Variants in DDAH1 observed in about 807,000 individuals in gnomAD.
DDAH1 encodes N(G),N(G)-dimethylarginine dimethylaminohydrolase 1.
Under a neutral mutation model 28.8 loss-of-function variants are expected in DDAH1, and 19 were observed. The observed-to-expected ratio is 0.66, with a 90% CI of 0.46 to 0.97. The LOEUF (loss-of-function observed/expected upper bound fraction) is 0.97, where lower values mean the gene tolerates loss of function less well. Among genes scored for constraint, DDAH1 ranks in the 50% least tolerant of loss-of-function variants. The pLI, the probability that DDAH1 is intolerant of heterozygous loss-of-function variation, is 0.00. For missense variants in DDAH1, 326 were observed against 375.9 expected, an observed-to-expected ratio of 0.87 and a Z score of 1.10; for synonymous variants, 153 against 154.4, an observed-to-expected ratio of 0.99 and a Z score of 0.07.
At chr1:85,537,467 C>T (rs1245530059) in intron 1 of DDAH1, among the ~76,000 whole-genome samples, 1 of 128,864 alleles carries the variant, frequency 7.8e-6, no homozygotes, top group Non-Finnish European at 1.7e-5. Flanking sequence ...CATGTGGAAT[C>T]TGAAAAAAAA....
intron 1 of DDAH1, among the ~76,000 whole-genome samples, chr1:85,435,901 G>A (rs963589529): frequency 2.6e-5 from 4 of 151,710 alleles, no homozygotes; most frequent in African/African-American, 7.2e-5. Flanking sequence ...AGCAATTCTC[G>A]TGCCTCAGCC....
intron 1 of DDAH1, among the ~76,000 whole-genome samples, chr1:85,546,990 G>T (rs1658645808): frequency 6.6e-6 from 1 of 152,052 alleles, no homozygotes; most frequent in Non-Finnish European, 1.5e-5. Flanking sequence ...CCTGTACTCT[G>T]GGGATTGAGT....
chr1:85,562,866 A>G (rs1659178987), intron 1 of DDAH1, among the ~76,000 whole-genome samples: 1 of 152,214 alleles, frequency 6.6e-6, no homozygotes, highest in South Asian at 2.1e-4. Flanking sequence ...TCAGGAATTA[A>G]TACAGATACT....
intron 1 of DDAH1, among the ~76,000 whole-genome samples, chr1:85,422,085 G>T (rs1653168315): frequency 6.6e-6 from 1 of 151,960 alleles, no homozygotes; most frequent in South Asian, 2.1e-4. Flanking sequence ...GATATTGTCA[G>T]TTTTTTAAAA....
intron 1 of DDAH1, among the ~76,000 whole-genome samples, chr1:85,449,271 G>C (rs185432901): frequency 6.6e-6 from 1 of 152,316 alleles, no homozygotes; most frequent in African/African-American, 2.4e-5. Context: ...AAGGTTGGCA[G>C]AACATGGCAC....
At chr1:85,423,509 C>T (rs1217540237) in intron 1 of DDAH1, among the ~76,000 whole-genome samples, 2 of 152,076 alleles carry the variant, frequency 1.3e-5, no homozygotes, top group East Asian at 1.9e-4. Flanking sequence ...TCCTTTTCCC[C>T]CCTTGCTTCC....
intron 1 of DDAH1, among the ~76,000 whole-genome samples, chr1:85,411,983 A>G (rs1469447714): frequency 6.6e-6 from 1 of 152,194 alleles, no homozygotes; most frequent in Non-Finnish European, 1.5e-5. Flanking sequence ...TATCATTAGA[A>G]CTTCCGTCTA....
At chr1:85,387,159 C>G (rs75613891) in intron 1 of DDAH1, among the ~76,000 whole-genome samples, 6,467 of 152,230 alleles carry the variant, frequency 0.042, 481 homozygotes, top group African/African-American at 0.15. Context: ...TCCCTTTTAT[C>G]CATGTTAATC....
At chr1:85,555,054 A>G (rs2100798674) in intron 1 of DDAH1, among the ~76,000 whole-genome samples, 1 of 152,338 alleles carries the variant, frequency 6.6e-6, no homozygotes, top group East Asian at 1.9e-4. Flanking sequence ...AGCATTTTTC[A>G]GTAGTTTATC....
At chr1:85,459,620 T>A (rs1276379738) in intron 1 of DDAH1, among the ~76,000 whole-genome samples, 1 of 152,204 alleles carries the variant, frequency 6.6e-6, no homozygotes, top group African/African-American at 2.4e-5. Flanking sequence ...TCACTTTCCA[T>A]CTTGGTGTCA....
rs186957473 is a variant in DDAH1, at chr1:85,496,795, T to C, written c.-122-514A>G. Among the ~76,000 whole-genome samples, 762 of 152,338 alleles carry C rather than the reference T, an allele frequency of 5.0e-3. 6 individuals are homozygous for C. The highest frequency in any genetic ancestry group is 9.3e-3 in the South Asian group (45 of 4,826). Reference sequence around the variant, plus strand: ...CTACACAAATAGCAATTTCATATAATTTAACCTAATATCATAAACCTTCAC... The same window carrying C: ...CTACACAAATAGCAATTTCATATAACTTAACCTAATATCATAAACCTTCAC... On this transcript the variant is annotated intron_variant, in intron 1 of 6. Transcript: ENST00000426972.
chr1:85,345,204 G>A (rs986694301), intron 4 of DDAH1, among the ~76,000 whole-genome samples: 1 of 152,042 alleles, frequency 6.6e-6, no homozygotes, highest in Non-Finnish European at 1.5e-5. Flanking sequence ...TTATTCTTTG[G>A]GGGGGTTGGC....
At chr1:85,534,970 A>G (rs1658223968) in intron 1 of DDAH1, among the ~76,000 whole-genome samples, 1 of 152,350 alleles carries the variant, frequency 6.6e-6, no homozygotes, top group East Asian at 1.9e-4. Flanking sequence ...GTACCAAAGA[A>G]AAAGAAGAAA....
At chr1:85,473,428 A>T (rs1046048455) in intron 2 of DDAH1, among the ~76,000 whole-genome samples, 5 of 152,194 alleles carry the variant, frequency 3.3e-5, no homozygotes, top group African/African-American at 1.2e-4. Context: ...ATCTAAATGT[A>T]GAAGAAAAGA....
chr1:85,346,799 A>C (rs1212555099), intron 4 of DDAH1, among the ~76,000 whole-genome samples: 1 of 152,254 alleles, frequency 6.6e-6, no homozygotes, highest in Non-Finnish European at 1.5e-5. Context: ...TCTGCACAGC[A>C]AAAGAAACTA....
chr1:85,574,798 C>A (rs1323454058), intron 1 of DDAH1, among the ~76,000 whole-genome samples: 3 of 152,150 alleles, frequency 2.0e-5, no homozygotes, highest in Non-Finnish European at 4.4e-5. Context: ...GTAATCCCAG[C>A]ACTTTGGGAG....
intron 2 of DDAH1, among the ~76,000 whole-genome samples, chr1:85,474,792 T>C (rs1655738155): frequency 6.6e-6 from 1 of 152,176 alleles, no homozygotes; most frequent in African/African-American, 2.4e-5. Flanking sequence ...TGGGTTTCAG[T>C]TCCTATAAAA....
chr1:85,375,422 C>G (rs1650608828), intron 1 of DDAH1, among the ~76,000 whole-genome samples: 1 of 151,948 alleles, frequency 6.6e-6, no homozygotes, highest in African/African-American at 2.4e-5. Flanking sequence ...TGCCATGTAC[C>G]CCATTTTATA....
chr1:85,559,902 A>G (rs1316698494), intron 1 of DDAH1, among the ~76,000 whole-genome samples: 1 of 152,190 alleles, frequency 6.6e-6, no homozygotes, highest in Non-Finnish European at 1.5e-5. Context: ...GTAGGAGGAC[A>G]GAACGAGTAT....
Sources: allele counts gnomAD v4.1 joint callset (sites outside exome capture counted in the v4.1 genomes callset), GRCh38; gene constraint gnomAD v4.1.1; transcripts MANE v1.5; gene names NCBI Gene and HGNC (gene_info 2026-07-23, HGNC 2026-07-21).